The following DLGAP4 variants were observed in gnomAD, a reference collection of about 807,000 sequenced individuals.
DLGAP4 encodes the protein DLG associated protein 4.
Under a neutral mutation model 86.9 loss-of-function variants are expected in DLGAP4, and 18 were observed. The ratio of observed to expected loss-of-function variants is 0.21; its 90% CI spans 0.14 to 0.31. The LOEUF is 0.31. Among genes scored for constraint, DLGAP4 ranks in the 10% least tolerant of loss-of-function variants. DLGAP4 has a pLI of 1.00. For missense variants in DLGAP4, 1,085 were observed against 1,362.6 expected (o/e 0.80, Z 3.21); for synonymous variants, 548 against 574.3 (o/e 0.95, Z 0.65).
At chr20:36,342,966 G>A (rs2065398896) in intron 1 of DLGAP4, among the ~76,000 whole-genome samples, 1 of 152,272 alleles carries the variant, frequency 6.6e-6, no homozygotes, top group South Asian at 2.1e-4. Context: ...ACAGAGGCTG[G>A]CACGTTCAGG....
intron 2 of DLGAP4, among the ~76,000 whole-genome samples, chr20:36,380,793 A>T (rs73905346): frequency 9.7e-4 from 148 of 152,314 alleles, no homozygotes; most frequent in African/African-American, 3.3e-3. Context: ...CTCCTCTGCC[A>T]TGTGCTGCAT....
intron 10 of DLGAP4, among the ~76,000 whole-genome samples, chr20:36,520,982 A>C (rs1382657882): frequency 6.6e-6 from 1 of 152,090 alleles, no homozygotes; most frequent in Non-Finnish European, 1.5e-5. Flanking sequence ...ACAGGTGTCC[A>C]CCACCAAGCC....
chr20:36,476,221 T>G (rs2034909788), intron 7 of DLGAP4, among the ~76,000 whole-genome samples: 1 of 151,872 alleles, frequency 6.6e-6, no homozygotes, highest in Admixed American at 6.6e-5. Context: ...CCATCATCAC[T>G]ATCCGTCTCT....
chr20:36,482,568 C>CAACT (rs2035234429), intron 7 of DLGAP4, among the ~76,000 whole-genome samples: 1 of 152,222 alleles, frequency 6.6e-6, no homozygotes, highest in Non-Finnish European at 1.5e-5. Context: ...ACCAAGCGGG[C>CAACT]TGCACATGTC....
intron 2 of DLGAP4, among the ~76,000 whole-genome samples, chr20:36,426,808 G>A (rs2032986142): frequency 6.6e-6 from 1 of 152,122 alleles, no homozygotes; most frequent in East Asian, 1.9e-4. Context: ...CTATGGACGT[G>A]GTTGTCAGAA....
chr20:36,523,727 C>T (rs560783891), intron 10 of DLGAP4, among the ~76,000 whole-genome samples: 1 of 152,216 alleles, frequency 6.6e-6, no homozygotes, highest in African/African-American at 2.4e-5. Flanking sequence ...GCAGTGGCGC[C>T]ATCTTGGCTC....
At chr20:36,451,614 G>T (rs1311249144) in intron 7 of DLGAP4, among the ~76,000 whole-genome samples, 2 of 152,072 alleles carry the variant, frequency 1.3e-5, no homozygotes, top group Admixed American at 1.3e-4. Context: ...GCCTCACAAA[G>T]TGCTGGGATT....
At chr20:36,355,623 G>A (rs1385814441) in intron 1 of DLGAP4, among the ~76,000 whole-genome samples, 2 of 152,200 alleles carry the variant, frequency 1.3e-5, no homozygotes, top group South Asian at 4.1e-4. Flanking sequence ...GTTCATCTAT[G>A]TTGTTGCATG....
chr20:36,368,043 T>C (rs2030761193), intron 2 of DLGAP4, among the ~76,000 whole-genome samples: 1 of 152,218 alleles, frequency 6.6e-6, no homozygotes, highest in Non-Finnish European at 1.5e-5. Flanking sequence ...GCCTTAGCTC[T>C]GCAAGGACAA....
chr20:36,343,073 G>T (rs889548697), intron 1 of DLGAP4, among the ~76,000 whole-genome samples: 2 of 152,114 alleles, frequency 1.3e-5, no homozygotes, highest in Non-Finnish European at 2.9e-5. Context: ...AGCCCTGAGG[G>T]GCCTTCTGGC....
At chr20:36,477,051 T>C (rs2147690754) in intron 7 of DLGAP4, among the ~76,000 whole-genome samples, 1 of 151,986 alleles carries the variant, frequency 6.6e-6, no homozygotes, top group Admixed American at 6.6e-5. Context: ...ATGCTCTGAA[T>C]AATTAACTCT....
At position 36,500,488 on chromosome 20, in the gene DLGAP4, C is replaced by T. The variant is rs2036097638; in HGVS notation, c.2389C>T (p.Pro797Ser). The change falls in exon 10 of 13, where the codon CCA becomes TCA. Residue 797 changes from proline to serine, a missense_variant. Transcript: ENST00000339266. This position sits in a 1 kb window ranked among gnomAD's most constrained non-coding sequence, Gnocchi z 4.6. ...CAGCTCCCCAGCAGAGCCGGCACAG[C>T]CAGGGGCCTGCCGCCGAGACGGCTA... ...SSSSPAEPAQ[P>S]GACRRDGYWF... 2 of 1,592,888 alleles carry T rather than the reference C, an allele frequency of 1.3e-6. No individual in the cohort carries two copies. Among genetic ancestry groups the T allele is most frequent in the Non-Finnish European group, 1.7e-6 (2 of 1,169,260 alleles).
chr20:36,467,063 T>TCTCTCTCTCTCCC (rs1569509700), intron 7 of DLGAP4, among the ~76,000 whole-genome samples: 1 of 39,350 alleles, frequency 2.5e-5, no homozygotes, highest in African/African-American at 1.2e-4. Flanking sequence ...TCTCTCTCTC[T>TCTCTCTCTCTCCC]CCCCCCCCCT....
At chr20:36,334,934 G>T (rs77146213) in intron 1 of DLGAP4, among the ~76,000 whole-genome samples, 2 of 152,134 alleles carry the variant, frequency 1.3e-5, no homozygotes, top group Admixed American at 6.6e-5. Context: ...ATTGCCCCCC[G>T]GGGGTGGCAG....
At chr20:36,511,838 G>A (rs531191823) in intron 10 of DLGAP4, among the ~76,000 whole-genome samples, 8 of 147,524 alleles carry the variant, frequency 5.4e-5, no homozygotes, top group South Asian at 4.4e-4. Context: ...TCATGCCACC[G>A]CGCTCCAGCC....
At chr20:36,404,083 C>A (rs1210031118) in intron 2 of DLGAP4, among the ~76,000 whole-genome samples, 1 of 152,184 alleles carries the variant, frequency 6.6e-6, no homozygotes, top group East Asian at 1.9e-4. Context: ...GGAGACCGAC[C>A]ATTCAAGGCT....
In DLGAP4 at chr20:36,436,247, G is replaced by A. The variant is rs753922102; in HGVS notation, c.1138G>A (p.Glu380Lys). Residue 380 changes from glutamate (E) to lysine (K), a missense_variant, in exon 4 of 13, where the codon GAG becomes AAG. By Grantham distance (56) the Glu-to-Lys change is moderately conservative. This residue lies in a region of DLGAP4 where 1,082 missense variants were observed against 1,344.1 expected (regional missense o/e 0.81). Coordinates refer to ENST00000339266, the MANE Select transcript of DLGAP4 (RefSeq NM_001365621.2). ...IKAMGDEDSD[E>K]SGGSPKPSPK... Reference sequence around the variant, plus strand: ...GGCCATGGGCGACGAGGACAGCGACGAGTCCGGCGGCAGCCCCAAGCCCTC... The same window carrying A: ...GGCCATGGGCGACGAGGACAGCGACAAGTCCGGCGGCAGCCCCAAGCCCTC... 1.2e-6 allele frequency: 2 copies of A among 1,605,656 alleles called. No individual in the cohort carries two copies. The highest frequency in any genetic ancestry group is 1.7e-5 in the Admixed American group (1 of 59,894).
intron 2 of DLGAP4, among the ~76,000 whole-genome samples, chr20:36,386,665 G>A (rs1347168907): frequency 6.6e-6 from 1 of 152,088 alleles, no homozygotes; most frequent in South Asian, 2.1e-4. Context: ...GCTCACTACA[G>A]CCTCGACCTC....
chr20:36,415,305 C>T (rs532667829), intron 2 of DLGAP4, among the ~76,000 whole-genome samples: 67 of 151,840 alleles, frequency 4.4e-4, no homozygotes, highest in Non-Finnish European at 7.8e-4. Flanking sequence ...ACAAAACAAA[C>T]GAAAACGTCC....
Sources: allele counts gnomAD v4.1 joint callset (sites outside exome capture counted in the v4.1 genomes callset), GRCh38; gene constraint gnomAD v4.1.1; regional missense constraint gnomAD v4.1.1; non-coding constraint Gnocchi (gnomAD v3.1); transcripts MANE v1.5; gene names NCBI Gene and HGNC (gene_info 2026-07-23, HGNC 2026-07-21).